The following ACACB variants were observed in gnomAD, a reference collection of about 807,000 sequenced individuals.
The protein encoded by ACACB is acetyl-CoA carboxylase 2.
ACACB carries 209 observed loss-of-function variants against 278.8 expected under a neutral mutation model. The observed-to-expected ratio is 0.75, with a 90% CI of 0.67 to 0.84. The LOEUF is 0.84. ACACB is among the 40% of genes least tolerant of loss of function. The pLI is 0.00. For missense variants in ACACB, 2,850 were observed against 3,269.0 expected (o/e 0.87, Z 3.13); for synonymous variants, 1,174 against 1,285.6 (o/e 0.91, Z 1.86).
At chr12:109,213,416 A>G (rs963128369) in intron 22 of ACACB, among the ~76,000 whole-genome samples, 2 of 152,180 alleles carry the variant, frequency 1.3e-5, no homozygotes, top group East Asian at 1.9e-4. Flanking sequence ...TACTTGATAG[A>G]TACATTAGAT....
At chr12:109,257,499 C>T (rs998751232) in intron 45 of ACACB, among the ~76,000 whole-genome samples, 2 of 152,098 alleles carry the variant, frequency 1.3e-5, no homozygotes, top group African/African-American at 4.8e-5. Context: ...TATCCCTCAG[C>T]CCTTTCCAAG....
intron 1 of ACACB, among the ~76,000 whole-genome samples, chr12:109,137,085 A>G (rs993767026): frequency 3.3e-5 from 5 of 152,122 alleles, no homozygotes; most frequent in Non-Finnish European, 7.4e-5. Flanking sequence ...TCCTGCATCA[A>G]TTGGGATGAT....
intron 21 of ACACB, among the ~76,000 whole-genome samples, chr12:109,210,484 T>C (rs561297180): frequency 2.7e-5 from 4 of 148,394 alleles, no homozygotes; most frequent in Admixed American, 1.3e-4. Flanking sequence ...TGTGTATATG[T>C]GTATATATAC....
chr12:109,197,785 G>A (rs537144908), intron 17 of ACACB, among the ~76,000 whole-genome samples: 1 of 152,188 alleles, frequency 6.6e-6, no homozygotes, highest in Non-Finnish European at 1.5e-5. Flanking sequence ...GGTGATGAAA[G>A]GGGAGGGGAT....
chr12:109,215,315 C>A (rs1445385093), intron 22 of ACACB, among the ~76,000 whole-genome samples: 1 of 151,792 alleles, frequency 6.6e-6, no homozygotes, highest in East Asian at 1.9e-4. Flanking sequence ...CAGAAAGGCG[C>A]CCTCCCAAGT....
chr12:109,240,986 G>A, intron 35 of ACACB, 92 bp from the exon 36 acceptor site: 7 of 1,321,606 alleles, frequency 5.3e-6, no homozygotes, highest in South Asian at 3.8e-5. Flanking sequence ...TTTGCAGTCA[G>A]TATATCTCAT....
At chr12:109,172,611 A>G (rs1206748107) in intron 6 of ACACB, among the ~76,000 whole-genome samples, 1 of 152,206 alleles carries the variant, frequency 6.6e-6, no homozygotes, top group African/African-American at 2.4e-5. Flanking sequence ...AAAAAAGCTC[A>G]ACATCACTGA....
chr12:109,152,455 T>C (rs1446289669), intron 2 of ACACB, among the ~76,000 whole-genome samples: 4 of 152,012 alleles, frequency 2.6e-5, no homozygotes, highest in Non-Finnish European at 4.4e-5. Context: ...AACTGAGAAT[T>C]TTGTTTATCT....
chr12:109,249,278 T>C (rs1436765010), intron 40 of ACACB: 1 of 152,204 alleles, frequency 6.6e-6, no homozygotes, highest in African/African-American at 2.4e-5. Flanking sequence ...GTATTCTTCC[T>C]GCGCTCAGTA....
intron 35 of ACACB, among the ~76,000 whole-genome samples, chr12:109,240,222 T>C (rs2046755534): frequency 6.6e-6 from 1 of 152,222 alleles, no homozygotes; most frequent in Admixed American, 6.5e-5. Context: ...ATGCTCAAAA[T>C]GTCTTTCAAA....
chr12:109,197,185 G>T (rs530964104), intron 17 of ACACB, 32 bp downstream of exon 17: 7 of 1,586,418 alleles, frequency 4.4e-6, no homozygotes, highest in South Asian at 2.3e-5. Context: ...ACTGTGGGCT[G>T]GGCATGCACA....
chr12:109,181,537 T>C lies in ACACB; in HGVS notation c.1818+1450T>C, dbSNP rs34403757. 4.0e-3 allele frequency among the ~76,000 whole-genome samples: 611 copies of C among 152,262 alleles called. 2 individuals are homozygous for C. Among genetic ancestry groups the C allele is most frequent in the Non-Finnish European group, 6.4e-3 (438 of 68,026 alleles). ...GCCACTGCACCTGGCCTGTACCACA[T>C]TTTCTTTATCCAATCATCTGTTGAT... On this transcript the variant is annotated intron_variant, in intron 11 of 52. Coordinates refer to ENST00000338432, the MANE Select transcript of ACACB (RefSeq NM_001093.4).
At chr12:109,134,095 T>A (rs150909344) in intron 1 of ACACB, among the ~76,000 whole-genome samples, 274 of 151,940 alleles carry the variant, frequency 1.8e-3, no homozygotes, top group Non-Finnish European at 2.3e-3. Flanking sequence ...CACACAGTTT[T>A]TGAGCTCTTA....
intron 11 of ACACB, among the ~76,000 whole-genome samples, chr12:109,185,034 C>T (rs981062953): frequency 2.0e-5 from 3 of 152,194 alleles, no homozygotes; most frequent in African/African-American, 7.2e-5. Context: ...GAATGTCCCT[C>T]ATTGGATTTC....
chr12:109,116,784 G>T (rs2042412112), intron 1 of ACACB, 80 bp downstream of exon 1: 1 of 152,194 alleles, frequency 6.6e-6, no homozygotes, highest in African/African-American at 2.4e-5. Flanking sequence ...TATAGTGAGA[G>T]CAGACCCTGT....
intron 1 of ACACB, among the ~76,000 whole-genome samples, chr12:109,129,104 A>T (rs894101661): frequency 2.6e-5 from 4 of 151,698 alleles, no homozygotes; most frequent in South Asian, 2.1e-4. Context: ...TGTCTCGAAA[A>T]AAATAAATAA....
intron 35 of ACACB, among the ~76,000 whole-genome samples, chr12:109,240,665 T>C (rs2046770496): frequency 6.6e-6 from 1 of 151,250 alleles, no homozygotes; most frequent in South Asian, 2.1e-4. Flanking sequence ...GAAGTCCTGA[T>C]ACATCCGTTT....
chr12:109,119,958 AT>A (rs1350496600), intron 1 of ACACB, among the ~76,000 whole-genome samples: 1 of 152,170 alleles, frequency 6.6e-6, no homozygotes, highest in Non-Finnish European at 1.5e-5. Context: ...TAAGCTCCAT[AT>A]TTTTAAATTA....
upstream of ACACB, chr12:109,113,441 T>G (rs1323185051): frequency 2.0e-5 from 3 of 152,206 alleles, no homozygotes; most frequent in African/African-American, 7.2e-5. Flanking sequence ...CTCTGACAGC[T>G]TTTGGAATTG....
Sources: gnomAD v4.1 joint callset for allele counts (sites outside exome capture counted in the v4.1 genomes callset) on GRCh38, gnomAD v4.1.1 for gene constraint, MANE v1.5 for transcripts, NCBI Gene and HGNC (gene_info 2026-07-23, HGNC 2026-07-21) for gene names.